The following CYP2C19 variants were observed in gnomAD, a reference collection of about 807,000 sequenced individuals.
CYP2C19 encodes cytochrome P450 2C19.
In CYP2C19, 59 loss-of-function variants were observed where a neutral mutation model predicts 40.9. The observed-to-expected ratio is 1.44, with a 90% CI of 1.17 to 1.79. The LOEUF is 1.79. CYP2C19 is among the 40% of genes most tolerant of loss of function. The probability of loss-of-function intolerance (pLI) is 0.00; values close to 1 mark genes in which losing one functional copy is unlikely to be tolerated. For missense variants in CYP2C19, 754 were observed against 596.9 expected (o/e 1.26, Z -2.74); for synonymous variants, 253 against 208.7 (o/e 1.21, Z -1.83).
intron 1 of CYP2C19, among the ~76,000 whole-genome samples, chr10:94,765,345 G>A (rs1056620820): frequency 2.0e-5 from 3 of 152,116 alleles, no homozygotes; most frequent in South Asian, 2.1e-4. Flanking sequence ...GCAGGTGCCA[G>A]TCCAGTTAGT....
chr10:94,828,760 G>A (rs1206295091), intron 6 of CYP2C19, among the ~76,000 whole-genome samples: 5 of 152,032 alleles, frequency 3.3e-5, no homozygotes, highest in African/African-American at 9.7e-5. Flanking sequence ...TCCTAGACTC[G>A]ATGGTCTTTA....
At chr10:94,769,864 T>A (rs1848302425) in intron 1 of CYP2C19, among the ~76,000 whole-genome samples, 1 of 152,078 alleles carries the variant, frequency 6.6e-6, no homozygotes. Context: ...ATGGGTAACT[T>A]GTTTCTCATA....
rs148591179 is a variant in CYP2C19, at chr10:94,768,762, T to A, written c.168+5889T>A. Among the ~76,000 whole-genome samples the A allele has an allele frequency of 3.1e-3, 474 of 152,240 alleles. 3 individuals are homozygous for A. Among genetic ancestry groups the A allele is most frequent in the African/African-American group, 0.011 (451 of 41,558 alleles). ...GTATACCACTGGTTGTGGGGTTGTT[T>A]CACGAGTCTGAGTAAGGACTCCAAG... On this transcript the variant is annotated intron_variant, in intron 1 of 8. Coordinates refer to ENST00000371321, the MANE Select transcript of CYP2C19 (RefSeq NM_000769.4).
intron 5 of CYP2C19, among the ~76,000 whole-genome samples, chr10:94,811,415 A>G (rs1848921363): frequency 6.6e-6 from 1 of 152,168 alleles, no homozygotes; most frequent in Admixed American, 6.5e-5. Flanking sequence ...TCCAGAGCTT[A>G]GTTCAAGTCC....
intron 5 of CYP2C19, among the ~76,000 whole-genome samples, chr10:94,794,304 C>G (rs376379645): frequency 6.6e-6 from 1 of 152,084 alleles, no homozygotes; most frequent in African/African-American, 2.4e-5. Context: ...CCCCTTGTGC[C>G]TCCCAGGTGA....
intron 7 of CYP2C19, among the ~76,000 whole-genome samples, chr10:94,843,652 A>G (rs2096696198): frequency 6.6e-6 from 1 of 152,178 alleles, no homozygotes; most frequent in African/African-American, 2.4e-5. Flanking sequence ...CACTATTCAT[A>G]ATTTATCTCT....
At chr10:94,816,235 T>G (rs1289634044) in intron 5 of CYP2C19, among the ~76,000 whole-genome samples, 2 of 151,366 alleles carry the variant, frequency 1.3e-5, no homozygotes, top group Admixed American at 1.3e-4. Context: ...CATACAGTAT[T>G]TTTTCTTTCT....
chr10:94,783,243 C>T (rs1194492324), intron 5 of CYP2C19, among the ~76,000 whole-genome samples: 1 of 152,018 alleles, frequency 6.6e-6, no homozygotes, highest in Non-Finnish European at 1.5e-5. Context: ...TTATTGCACA[C>T]AGTTTATTGG....
Position 94,843,023 on chromosome 10 carries a change from A to G in CYP2C19, c.1148A>G (p.Lys383Arg), listed in dbSNP as rs745973813. The change falls in exon 7 of 9, where the codon AAG (lysine) becomes AGG (arginine). Residue 383 changes from lysine to arginine, a missense_variant and splice_region_variant. Transcript: ENST00000371321. ...AAATTCAGAAACTACCTCATTCCCAAGGTAAGTTTGTTTCTCCTACACTGC... is the reference window on the plus strand; with the variant it reads ...AAATTCAGAAACTACCTCATTCCCAGGGTAAGTTTGTTTCTCCTACACTGC... Reference protein sequence around the residue: ...DVKFRNYLIPKGTTILTSLTS... With the variant: ...DVKFRNYLIPRGTTILTSLTS... The G allele has an allele frequency of 1.9e-6, 3 of 1,613,996 alleles. No individual in the cohort carries two copies. In the African/African-American group the frequency reaches 4.0e-5, roughly 22 times the overall value.
chr10:94,791,556 G>A (rs532106420), intron 5 of CYP2C19, among the ~76,000 whole-genome samples: 1 of 152,188 alleles, frequency 6.6e-6, no homozygotes, highest in East Asian at 1.9e-4. Context: ...AGAAATTCTG[G>A]TGTGTTGTGT....
At chr10:94,799,576 C>A (rs904443761) in intron 5 of CYP2C19, among the ~76,000 whole-genome samples, 1 of 150,974 alleles carries the variant, frequency 6.6e-6, no homozygotes, top group East Asian at 1.9e-4. Flanking sequence ...AAGTTCTTCA[C>A]TTCCTGAAGA....
At chr10:94,817,027 C>T (rs1415047011) in intron 5 of CYP2C19, among the ~76,000 whole-genome samples, 2 of 111,168 alleles carry the variant, frequency 1.8e-5, no homozygotes, top group Admixed American at 1.0e-4. Flanking sequence ...TGAATAATGC[C>T]GCAATAAACA....
intron 1 of CYP2C19, among the ~76,000 whole-genome samples, chr10:94,764,302 A>G (rs1848212536): frequency 6.6e-6 from 1 of 152,090 alleles, no homozygotes; most frequent in Non-Finnish European, 1.5e-5. Context: ...CATTTTGCAG[A>G]GTGCTGATTG....
chr10:94,833,099 T>C (rs1055380307), intron 6 of CYP2C19, among the ~76,000 whole-genome samples: 1 of 152,248 alleles, frequency 6.6e-6, no homozygotes, highest in African/African-American at 2.4e-5. Flanking sequence ...CTGATTTTTA[T>C]GTTGAGTTTG....
chr10:94,779,557 T>TTTTCTTTTCC (rs1308083552), intron 3 of CYP2C19, among the ~76,000 whole-genome samples: 1 of 146,916 alleles, frequency 6.8e-6, no homozygotes, highest in Non-Finnish European at 1.5e-5. Context: ...TTCCTTTTTC[T>TTTTCTTTTCC]TTTCTTTTCT....
At chr10:94,828,820 A>T (rs1033095093) in intron 6 of CYP2C19, among the ~76,000 whole-genome samples, 513 of 151,908 alleles carry the variant, frequency 3.4e-3, no homozygotes, top group African/African-American at 0.011. Context: ...CCTTTCCATG[A>T]TTAGTGCTTC....
chr10:94,796,773 C>G (rs1442191318), intron 5 of CYP2C19, among the ~76,000 whole-genome samples: 2 of 152,090 alleles, frequency 1.3e-5, no homozygotes, highest in Non-Finnish European at 2.9e-5. Flanking sequence ...AATGGGAGTT[C>G]ACTCATGTTT....
At chr10:94,797,830 G>A (rs1406741138) in intron 5 of CYP2C19, among the ~76,000 whole-genome samples, 1 of 151,862 alleles carries the variant, frequency 6.6e-6, no homozygotes, top group Non-Finnish European at 1.5e-5. Flanking sequence ...TGTGATTGGT[G>A]GTGATATCCC....
At chr10:94,768,869 C>T (rs188662774) in intron 1 of CYP2C19, among the ~76,000 whole-genome samples, 1 of 152,222 alleles carries the variant, frequency 6.6e-6, no homozygotes, top group African/African-American at 2.4e-5. Context: ...CTAGGGCCTG[C>T]TTTAAGGTTT....
Sources: allele counts gnomAD v4.1 joint callset (sites outside exome capture counted in the v4.1 genomes callset), GRCh38; gene constraint gnomAD v4.1.1; transcripts MANE v1.5; gene names NCBI Gene and HGNC (gene_info 2026-07-23, HGNC 2026-07-21).